The following PPARGC1A variants were observed in gnomAD, a reference collection of about 807,000 sequenced individuals.
PPARGC1A encodes peroxisome proliferator-activated receptor gamma coactivator 1-alpha.
A neutral mutation model predicts 88.7 loss-of-function variants in PPARGC1A; 25 were observed. The observed-to-expected ratio is 0.28, with a 90% CI of 0.21 to 0.39. PPARGC1A has a LOEUF of 0.39. Ranked by LOEUF, PPARGC1A falls within the 10% of genes least tolerant of loss-of-function variation. The probability of loss-of-function intolerance (pLI) is 1.00; values close to 1 mark genes in which losing one functional copy is unlikely to be tolerated. For missense variants in PPARGC1A, 880 were observed against 968.7 expected (o/e 0.91, Z 1.22); for synonymous variants, 363 against 355.6 (o/e 1.02, Z -0.24).
the PPARGC1A span, among the ~76,000 whole-genome samples, chr4:23,995,053 T>C: frequency 6.6e-6 from 1 of 152,104 alleles, no homozygotes; most frequent in South Asian, 2.1e-4. Context: ...CTAAACTGTT[T>C]TCTACAATCA....
At chr4:24,276,290 G>A in the PPARGC1A span, among the ~76,000 whole-genome samples, 1 of 152,132 alleles carries the variant, frequency 6.6e-6, no homozygotes, top group Non-Finnish European at 1.5e-5. Flanking sequence ...GTCAGAAAAG[G>A]AACTATGACT....
intron 2 of PPARGC1A, among the ~76,000 whole-genome samples, chr4:23,873,405 TG>T (rs1331609124): frequency 6.6e-6 from 1 of 152,004 alleles, no homozygotes; most frequent in Non-Finnish European, 1.5e-5. Context: ...TTCAGGCCAT[TG>T]GAAGAAAGAT....
chr4:24,168,222 G>A, the PPARGC1A span, among the ~76,000 whole-genome samples: 339 of 152,260 alleles, frequency 2.2e-3, no homozygotes, highest in African/African-American at 7.8e-3. Flanking sequence ...GTCTGAGACC[G>A]AATCTGCAAC....
the PPARGC1A span, among the ~76,000 whole-genome samples, chr4:24,137,726 T>A: frequency 6.6e-6 from 1 of 152,192 alleles, no homozygotes; most frequent in Non-Finnish European, 1.5e-5. Flanking sequence ...CTTCTGGCCA[T>A]GGGAAGATTC....
the PPARGC1A span, among the ~76,000 whole-genome samples, chr4:24,342,992 A>G: frequency 1.3e-5 from 2 of 152,220 alleles, no homozygotes; most frequent in Non-Finnish European, 2.9e-5. Flanking sequence ...TCCTCATGTT[A>G]TGATGTTCTT....
chr4:23,849,808 T>G (rs1304132220), intron 2 of PPARGC1A, among the ~76,000 whole-genome samples: 1 of 77,724 alleles, frequency 1.3e-5, no homozygotes, highest in African/African-American at 4.7e-5. Flanking sequence ...AGATTTAGAA[T>G]TTTTTTTTTT....
At chr4:23,802,549 G>A (rs1296962108) in intron 10 of PPARGC1A, among the ~76,000 whole-genome samples, 2 of 151,736 alleles carry the variant, frequency 1.3e-5, no homozygotes, top group Non-Finnish European at 2.9e-5. Context: ...GTGGTGGTGG[G>A]CACCTGCAAT....
At chr4:24,447,250 G>A in the PPARGC1A span, among the ~76,000 whole-genome samples, 1 of 152,168 alleles carries the variant, frequency 6.6e-6, no homozygotes, top group Non-Finnish European at 1.5e-5. Context: ...TTCCATCATT[G>A]CCCTGCCCAG....
At chr4:24,002,097 C>CACACACAGAGAGAG in the PPARGC1A span, among the ~76,000 whole-genome samples, 3 of 125,324 alleles carry the variant, frequency 2.4e-5, no homozygotes, top group African/African-American at 9.8e-5. Context: ...CACACACACA[C>CACACACAGAGAGAG]AGAGAGAGAG....
At chr4:23,818,034 T>C (rs192103069) in intron 7 of PPARGC1A, among the ~76,000 whole-genome samples, 4 of 152,086 alleles carry the variant, frequency 2.6e-5, no homozygotes, top group Non-Finnish European at 5.9e-5. Flanking sequence ...AAGAGGGAGG[T>C]CAGTGCTCAA....
the PPARGC1A span, among the ~76,000 whole-genome samples, chr4:24,309,791 A>G: frequency 6.6e-6 from 1 of 152,198 alleles, no homozygotes; most frequent in Non-Finnish European, 1.5e-5. Flanking sequence ...CTGCTGCGTG[A>G]TGAATAGTTT....
the PPARGC1A span, among the ~76,000 whole-genome samples, chr4:24,034,220 C>G: frequency 2.6e-5 from 4 of 152,112 alleles, no homozygotes; most frequent in Non-Finnish European, 5.9e-5. Context: ...TATCCATATT[C>G]TATTTTGTAA....
the PPARGC1A span, among the ~76,000 whole-genome samples, chr4:24,339,778 G>A: frequency 6.6e-6 from 1 of 152,216 alleles, no homozygotes; most frequent in South Asian, 2.1e-4. Context: ...TAGCTCTGTC[G>A]TCCAGGCTGG....
intron 7 of PPARGC1A, among the ~76,000 whole-genome samples, chr4:23,822,584 A>C (rs1723197610): frequency 6.6e-6 from 1 of 152,098 alleles, no homozygotes; most frequent in South Asian, 2.1e-4. Flanking sequence ...TTCTAGGTAC[A>C]ATTAGTGTTT....
chr4:24,191,782 T>A, the PPARGC1A span, among the ~76,000 whole-genome samples: 6 of 152,236 alleles, frequency 3.9e-5, no homozygotes, highest in Non-Finnish European at 4.4e-5. Flanking sequence ...CAGCCCATCA[T>A]GAGAACAATA....
chr4:23,827,570 T>C (rs1724186350), intron 5 of PPARGC1A, among the ~76,000 whole-genome samples: 1 of 152,162 alleles, frequency 6.6e-6, no homozygotes, highest in Non-Finnish European at 1.5e-5. Flanking sequence ...CACGACATTT[T>C]GAGAAGGAGG....
At chr4:24,079,732 C>T in the PPARGC1A span, among the ~76,000 whole-genome samples, 2 of 152,130 alleles carry the variant, frequency 1.3e-5, no homozygotes, top group South Asian at 2.1e-4. Flanking sequence ...TTGCATTTTA[C>T]ACTTTTCCGC....
chr4:24,024,731 G>A, the PPARGC1A span, among the ~76,000 whole-genome samples: 3 of 152,334 alleles, frequency 2.0e-5, no homozygotes, highest in Admixed American at 6.5e-5. Flanking sequence ...TTGGCTAAGT[G>A]TATCAAGTCA....
At chr4:24,257,939 C>T in the PPARGC1A span, among the ~76,000 whole-genome samples, 1 of 151,888 alleles carries the variant, frequency 6.6e-6, no homozygotes, top group African/African-American at 2.4e-5. Context: ...TAATAATATA[C>T]AGACATATTT....
Sources: gnomAD v4.1 joint callset for allele counts (sites outside exome capture counted in the v4.1 genomes callset) on GRCh38, gnomAD v4.1.1 for gene constraint, MANE v1.5 for transcripts, NCBI Gene and HGNC (gene_info 2026-07-23, HGNC 2026-07-21) for gene names.